The following RASEF variants were observed in gnomAD, a reference collection of about 807,000 sequenced individuals.
The protein encoded by RASEF is RAS and EF-hand domain containing.
RASEF carries 68 observed loss-of-function variants against 90.1 expected under a neutral mutation model. The observed-to-expected ratio is 0.75, with a 90% CI of 0.62 to 0.92. The LOEUF (loss-of-function observed/expected upper bound fraction) is 0.92. Ranked by LOEUF, RASEF falls within the 40% of genes least tolerant of loss-of-function variation. The pLI is 0.00. For missense variants in RASEF, 949 were observed against 937.2 expected, an observed-to-expected ratio of 1.01 and a Z score of -0.16; for synonymous variants, 331 against 345.2, an observed-to-expected ratio of 0.96 and a Z score of 0.46.
intron 15 of RASEF, among the ~76,000 whole-genome samples, chr9:82,992,386 T>C (rs1828831820): frequency 1.3e-5 from 2 of 152,180 alleles, no homozygotes; most frequent in South Asian, 4.1e-4. Flanking sequence ...TACAAATGCA[T>C]ACCCCAAAAT....
intron 8 of RASEF, among the ~76,000 whole-genome samples, chr9:83,005,089 C>G (rs1829104266): frequency 6.6e-6 from 1 of 152,102 alleles, no homozygotes; most frequent in Non-Finnish European, 1.5e-5. Flanking sequence ...AAATCCAAGG[C>G]TCCCATTCTG....
the RASEF span, among the ~76,000 whole-genome samples, chr9:83,173,861 T>C: frequency 6.6e-6 from 1 of 152,104 alleles, no homozygotes; most frequent in East Asian, 1.9e-4. Context: ...CAGCCTAGCC[T>C]TGTTTGTACC....
At chr9:83,033,882 A>G (rs547231907) in intron 1 of RASEF, among the ~76,000 whole-genome samples, 2 of 152,290 alleles carry the variant, frequency 1.3e-5, no homozygotes, top group South Asian at 4.1e-4. Context: ...CTAATGTAAT[A>G]CCAGTTAGCC....
chr9:83,075,299 T>C, the RASEF span, among the ~76,000 whole-genome samples: 1 of 152,214 alleles, frequency 6.6e-6, no homozygotes. Context: ...GTAATTGGTT[T>C]CCAATCAACT....
chr9:83,113,362 C>A, the RASEF span, among the ~76,000 whole-genome samples: 1 of 152,136 alleles, frequency 6.6e-6, no homozygotes, highest in East Asian at 1.9e-4. Context: ...CACCTCAGGA[C>A]CACTATTGCA....
At position 82,981,720 on chromosome 9, in the gene RASEF, C is replaced by T. The variant is rs1162842366; in HGVS notation, c.*957G>A. 3 of 152,188 alleles carry T rather than the reference C, an allele frequency of 2.0e-5. No individual in the cohort carries two copies. The highest frequency in any genetic ancestry group is 7.2e-5 in the African/African-American group (3 of 41,426). The allele number at this position is 152,188 out of a possible 1,614,324, so 9.4% of individuals were successfully genotyped here. A position where few individuals can be genotyped will look rare whatever the true frequency, so the allele number is the denominator to read the frequency against. ...CACTATTCCAATTCCAGAACATTCT[C>T]ATCATCGCCCAAAGAAACCACATAC... is the stretch of plus-strand genomic sequence containing the variant. On this transcript the variant is annotated 3_prime_UTR_variant, in exon 17 of 17. Coordinates refer to ENST00000376447, the MANE Select transcript of RASEF (RefSeq NM_152573.4).
At chr9:83,040,068 T>TAC (rs1253039391) in intron 1 of RASEF, among the ~76,000 whole-genome samples, 6 of 152,162 alleles carry the variant, frequency 3.9e-5, no homozygotes, top group Non-Finnish European at 7.3e-5. Context: ...GCCGTTCCCC[T>TAC]ACACACACTC....
chr9:83,199,751 T>C, the RASEF span, among the ~76,000 whole-genome samples: 1 of 152,066 alleles, frequency 6.6e-6, no homozygotes, highest in Non-Finnish European at 1.5e-5. Flanking sequence ...TGGGTGCTGG[T>C]GAGACAGAGG....
chr9:83,152,828 T>C, the RASEF span, among the ~76,000 whole-genome samples: 4 of 152,326 alleles, frequency 2.6e-5, no homozygotes, highest in Admixed American at 6.5e-5. Flanking sequence ...TCAGTATTGA[T>C]AGTGCCAACT....
At chr9:83,086,112 T>C in the RASEF span, among the ~76,000 whole-genome samples, 1 of 152,268 alleles carries the variant, frequency 6.6e-6, no homozygotes, top group South Asian at 2.1e-4. Context: ...AAGCAATCAA[T>C]TAAGAATTAT....
the RASEF span, among the ~76,000 whole-genome samples, chr9:83,102,455 T>C: frequency 6.6e-6 from 1 of 152,216 alleles, no homozygotes; most frequent in African/African-American, 2.4e-5. Flanking sequence ...CGTACACATG[T>C]CTGCAAATGG....
Position 83,008,963 on chromosome 9 carries a change from A to C in RASEF, c.959+678T>G, listed in dbSNP as rs181513495. Reference sequence around the variant, plus strand: ...CGTGGGCTCTGTGTTTTGAGATTATAAATATATATATACTCTCCACTCATA... The same window carrying C: ...CGTGGGCTCTGTGTTTTGAGATTATCAATATATATATACTCTCCACTCATA... On this transcript the variant is annotated intron_variant, in intron 6 of 16. Transcript: ENST00000376447. Among the ~76,000 whole-genome samples, 11 of 117,100 alleles carry C rather than the reference A, an allele frequency of 9.4e-5. No individual in the cohort carries two copies. The Admixed American group carries it at 9.5e-4, about 10-fold the overall frequency. The allele number at this position is 117,100 out of a possible 152,430, so 76.8% of individuals were successfully genotyped here. A position where few individuals can be genotyped will look rare whatever the true frequency, so the allele number is the denominator to read the frequency against.
intron 16 of RASEF, among the ~76,000 whole-genome samples, chr9:82,989,171 A>T (rs1187004085): frequency 6.6e-6 from 1 of 152,084 alleles, no homozygotes; most frequent in Non-Finnish European, 1.5e-5. Flanking sequence ...CTAATTTATT[A>T]AGCACTATAA....
At position 83,063,003 on chromosome 9, in the gene RASEF, G is replaced by A. The variant is rs1281501396; in HGVS notation, c.-136C>T. 1.2e-5 allele frequency: 12 copies of A among 964,074 alleles called. No individual in the cohort carries two copies. The highest frequency in any genetic ancestry group is 1.7e-5 in the Non-Finnish European group (12 of 706,446). The allele number at this position is 964,074 out of a possible 1,614,324, so 59.7% of individuals were successfully genotyped here. The stretch of plus-strand genomic sequence containing the variant: ...GTCCGGCTGGTTCGGCCACTTGAGG[G>A]AACGTCGGGCGGGGCGAGGAACGTC... On this transcript the variant is annotated 5_prime_UTR_variant, in exon 1 of 17. Coordinates refer to ENST00000376447, the MANE Select transcript of RASEF (RefSeq NM_152573.4).
At chr9:83,080,781 T>G in the RASEF span, among the ~76,000 whole-genome samples, 15 of 152,164 alleles carry the variant, frequency 9.9e-5, no homozygotes, top group Admixed American at 3.9e-4. Context: ...GTCATTAGAT[T>G]GGTGCAATCT....
chr9:83,009,509 A>T, intron 6 of RASEF, 132 bp downstream of exon 6: 1 of 516,546 alleles, frequency 1.9e-6, no homozygotes, highest in Non-Finnish European at 3.4e-6. Flanking sequence ...TACTGAAAAT[A>T]AAATCATTAG....
the RASEF span, among the ~76,000 whole-genome samples, chr9:83,182,008 C>G: frequency 3.3e-5 from 5 of 152,180 alleles, no homozygotes; most frequent in African/African-American, 1.2e-4. Context: ...AGAACACTCC[C>G]TGGAGTCAGA....
chr9:83,156,619 A>G, the RASEF span, among the ~76,000 whole-genome samples: 4 of 152,302 alleles, frequency 2.6e-5, no homozygotes, highest in East Asian at 7.7e-4. Context: ...ACTCATTTAT[A>G]TAACTGCCTC....
At chr9:83,035,533 T>C (rs1200634056) in intron 1 of RASEF, among the ~76,000 whole-genome samples, 2 of 152,168 alleles carry the variant, frequency 1.3e-5, no homozygotes. Flanking sequence ...GACATTACAG[T>C]ATGTATGTGC....
Sources: allele counts gnomAD v4.1 joint callset (sites outside exome capture counted in the v4.1 genomes callset), GRCh38; gene constraint gnomAD v4.1.1; transcripts MANE v1.5; gene names NCBI Gene and HGNC (gene_info 2026-07-23, HGNC 2026-07-21).